YWHAZ: variants seen among roughly 807,000 people sequenced by gnomAD.
YWHAZ encodes the protein tyrosine 3-monooxygenase/tryptophan 5-monooxygenase activation protein zeta, also known as 14-3-3 protein zeta/delta.
For missense variants in YWHAZ, 79 were observed against 284.8 expected (o/e 0.28, Z 5.20); for synonymous variants, 87 against 103.6 (o/e 0.84, Z 0.97).
intron 2 of YWHAZ, among the ~76,000 whole-genome samples, chr8:100,945,131 T>A (rs188237100): frequency 2.3e-3 from 345 of 152,346 alleles, no homozygotes; most frequent in Non-Finnish European, 2.4e-3. Context: ...AGTTCACATA[T>A]TGCAGTTTGA....
At chr8:100,933,962 G>T (rs1413340204) in intron 2 of YWHAZ, among the ~76,000 whole-genome samples, 3 of 151,762 alleles carry the variant, frequency 2.0e-5, no homozygotes, top group Non-Finnish European at 2.9e-5. Context: ...TTCAAAACCA[G>T]CTTGGCCATC....
chr8:100,950,665 G>T (rs1243355053), intron 1 of YWHAZ: 23 of 887,928 alleles, frequency 2.6e-5, no homozygotes, highest in African/African-American at 2.4e-4. Flanking sequence ...CGTGGGGGGG[G>T]GGGAGAGATG....
At chr8:100,935,931 T>C (rs563962027) in intron 2 of YWHAZ, among the ~76,000 whole-genome samples, 1 of 152,326 alleles carries the variant, frequency 6.6e-6, no homozygotes, top group East Asian at 1.9e-4. Context: ...CCCTTACATT[T>C]CTTTAAATTC....
intron 1 of YWHAZ, among the ~76,000 whole-genome samples, chr8:100,949,229 C>T (rs1810525457): frequency 1.3e-5 from 2 of 152,304 alleles, no homozygotes; most frequent in South Asian, 4.1e-4. Flanking sequence ...TGATCAAAAT[C>T]TCAACTCATT....
Position 100,922,880 on chromosome 8 carries a change from C to T in YWHAZ, c.678+1075G>A, listed in dbSNP as rs764387050. 2.0e-5 allele frequency: 3 copies of T among 152,318 alleles called. No homozygotes were observed. Among genetic ancestry groups the T allele is most frequent in the African/African-American group, 7.2e-5 (3 of 41,566 alleles). The allele number at this position is 152,318 out of a possible 1,614,324, so 9.4% of individuals were successfully genotyped here. ...AATCCTTAATACTAAAGTTAGTTAA[C>T]AAAGTGCTTCTTATGTTTGATATAT... is the stretch of plus-strand genomic sequence containing the variant. On this transcript the variant is annotated intron_variant, in intron 5 of 5. Coordinates refer to ENST00000395958, the MANE Select transcript of YWHAZ (RefSeq NM_145690.3). The surrounding 1 kb of genome is among the most constrained non-coding windows in gnomAD (Gnocchi z 4.1).
chr8:100,923,858 A>G, intron 5 of YWHAZ, 97 bp downstream of exon 5: 1 of 956,002 alleles, frequency 1.0e-6, no homozygotes, highest in Non-Finnish European at 1.5e-6. Context: ...TTGAGAAAAA[A>G]TTTTAAAAGA....
At chr8:100,935,531 A>AGATT (rs1368934925) in intron 2 of YWHAZ, among the ~76,000 whole-genome samples, 5 of 152,140 alleles carry the variant, frequency 3.3e-5, no homozygotes, top group Non-Finnish European at 4.4e-5. Flanking sequence ...AAAACCTAAG[A>AGATT]GATTGCTCAT....
chr8:100,919,992 C>T lies in YWHAZ; in HGVS notation c.*701G>A, dbSNP rs1161100256. ...ACCAAGCAATTCATTTTTCCTGCAT[C>T]TTTACTTTTACATTTGTTCTTAGGT... On this transcript the variant is annotated 3_prime_UTR_variant, in exon 6 of 6. Transcript: ENST00000395958. 6.6e-6 allele frequency: 1 copy of T among 152,470 alleles called. No homozygotes were observed. Among genetic ancestry groups the T allele is most frequent in the Non-Finnish European group, 1.5e-5 (1 of 68,024 alleles). 9.4% of individuals were successfully genotyped at this position (152,470 alleles called of 1,614,324 possible). A position where few individuals can be genotyped will look rare whatever the true frequency, so the allele number is the denominator to read the frequency against.
chr8:100,946,936 GA>G lies in YWHAZ; in HGVS notation c.294+1659del, dbSNP rs1031026805. ...AAAACCCAATACATTTTTTATTATAGAAAAAAAAAATCACATTTTCAAAATT... is the reference window on the plus strand; with the variant it reads ...AAAACCCAATACATTTTTTATTATAGAAAAAAAAATCACATTTTCAAAATT... On this transcript the variant is annotated intron_variant, in intron 2 of 5. Transcript: ENST00000395958. 8.5e-4 allele frequency among the ~76,000 whole-genome samples: 123 copies of G among 145,556 alleles called. 1 individual carries two copies. The highest frequency in any genetic ancestry group is 6.0e-3 in the Admixed American group (87 of 14,604).
At chr8:100,923,807 A>G (rs1586086495) in intron 5 of YWHAZ, 148 bp downstream of exon 5, 1 of 559,092 alleles carries the variant, frequency 1.8e-6, no homozygotes, top group East Asian at 3.1e-5. Context: ...ATAGGACTTT[A>G]ATAGTAGCTG....
chr8:100,940,291 T>C (rs1814547422), intron 2 of YWHAZ, among the ~76,000 whole-genome samples: 1 of 152,192 alleles, frequency 6.6e-6, no homozygotes, highest in African/African-American at 2.4e-5. Flanking sequence ...GTGGTGGTAG[T>C]TAAAACGCCT....
chr8:100,950,201 T>C (rs1243289954), intron 1 of YWHAZ, among the ~76,000 whole-genome samples: 1 of 152,240 alleles, frequency 6.6e-6, no homozygotes, highest in Non-Finnish European at 1.5e-5. Flanking sequence ...GTCTCTAAAT[T>C]ACTGATTTTT....
At chr8:100,921,025 A>G (rs1812989913) in intron 5 of YWHAZ, among the ~76,000 whole-genome samples, 1 of 152,108 alleles carries the variant, frequency 6.6e-6, no homozygotes, top group Non-Finnish European at 1.5e-5. Flanking sequence ...AGGTGAAGAG[A>G]AATTACAAGA....
At chr8:100,951,040 CCACACCTCCCCCGCCCGTT>C (rs1810717266) in intron 1 of YWHAZ, 1 of 431,878 alleles carries the variant, frequency 2.3e-6, no homozygotes, top group African/African-American at 2.2e-5. Flanking sequence ...CAGCCCCCGT[CCACACCTCCCCCGCCCGTT>C]CACAAGGAGC....
At position 100,918,424 on chromosome 8, in the gene YWHAZ, ATATATATATATATATATAT is replaced by A. The variant is rs1255779478; in HGVS notation, c.*2250_*2268del. 11 of 88,826 alleles carry A rather than the reference ATATATATATATATATATAT, an allele frequency of 1.2e-4. No individual in the cohort carries two copies. The highest frequency in any genetic ancestry group is 4.4e-4 in the African/African-American group (11 of 25,160). The allele number at this position is 88,826 out of a possible 1,614,324, so 5.5% of individuals were successfully genotyped here. A position where few individuals can be genotyped will look rare whatever the true frequency, so the allele number is the denominator to read the frequency against. On this transcript the variant is annotated 3_prime_UTR_variant, in exon 6 of 6. Coordinates refer to ENST00000395958, the MANE Select transcript of YWHAZ (RefSeq NM_145690.3). Reference sequence around the variant, plus strand: ...ATAATTACTTTATATATATATATATATATATATATATATATATATAATTATTTTACCTCCTTGGCTTGGG... The same window carrying A: ...ATAATTACTTTATATATATATATATAAATTATTTTACCTCCTTGGCTTGGG...
upstream of YWHAZ, chr8:100,952,966 C>A (rs1175964052): frequency 2.0e-6 from 2 of 1,000,558 alleles, no homozygotes; most frequent in African/African-American, 3.5e-5. Flanking sequence ...AGCGCGGGAT[C>A]TGCGCTCGGT....
At chr8:100,944,013 GA>G (rs1209020841) in intron 2 of YWHAZ, among the ~76,000 whole-genome samples, 168 of 144,640 alleles carry the variant, frequency 1.2e-3, no homozygotes, top group African/African-American at 4.1e-3. Flanking sequence ...AAGAAAAAAA[GA>G]AAAAAAAGAC....
chr8:100,925,114 A>G, intron 2 of YWHAZ, 75 bp from the exon 3 acceptor site: 1 of 1,467,224 alleles, frequency 6.8e-7, no homozygotes, highest in Non-Finnish European at 9.2e-7. Context: ...TTCTTAAAGA[A>G]CAAACTATAG....
At chr8:100,952,143 G>T (rs1020947197), upstream of YWHAZ, 1 of 985,522 alleles carries the variant, frequency 1.0e-6, no homozygotes, top group South Asian at 4.6e-5. Flanking sequence ...GGCAACCGTT[G>T]ATTGGTGCCC....
Sources: allele counts gnomAD v4.1 joint callset (sites outside exome capture counted in the v4.1 genomes callset), GRCh38; gene constraint gnomAD v4.1.1; non-coding constraint Gnocchi (gnomAD v3.1); transcripts MANE v1.5; gene names NCBI Gene and HGNC (gene_info 2026-07-23, HGNC 2026-07-21).